ATP8B4: variants seen among roughly 807,000 people sequenced by gnomAD.
The protein encoded by ATP8B4 is probable phospholipid-transporting ATPase IM.
ATP8B4 carries 133 observed loss-of-function variants against 145.6 expected under a neutral mutation model. The observed-to-expected ratio is 0.91, with a 90% CI of 0.79 to 1.05. The LOEUF (loss-of-function observed/expected upper bound fraction) is 1.05, where lower values mean the gene tolerates loss of function less well. Among genes scored for constraint, ATP8B4 ranks in the 50% least tolerant of loss-of-function variants. ATP8B4 has a pLI of 0.00. For missense variants in ATP8B4, 1,458 were observed against 1,425.2 expected, an observed-to-expected ratio of 1.02 and a Z score of -0.37; for synonymous variants, 507 against 492.9, an observed-to-expected ratio of 1.03 and a Z score of -0.38.
chr15:50,102,904 C>T (rs780831181), intron 2 of ATP8B4, among the ~76,000 whole-genome samples: 7 of 151,854 alleles, frequency 4.6e-5, no homozygotes, highest in African/African-American at 1.5e-4. Context: ...CATAATCAAG[C>T]GAGTTTCGTA....
At chr15:50,158,666 G>T (rs11857407) in intron 1 of ATP8B4, among the ~76,000 whole-genome samples, 3 of 152,136 alleles carry the variant, frequency 2.0e-5, no homozygotes, top group South Asian at 4.1e-4. Context: ...ATAGAAAAGG[G>T]GGAAAGGTGG....
intron 14 of ATP8B4, among the ~76,000 whole-genome samples, chr15:49,936,807 C>T (rs980649446): frequency 9.2e-5 from 14 of 151,880 alleles, no homozygotes; most frequent in Non-Finnish European, 2.1e-4. Context: ...CCAGTTGACC[C>T]TTTATTTTGT....
At chr15:49,978,977 G>C (rs1208489498) in intron 12 of ATP8B4, among the ~76,000 whole-genome samples, 1 of 152,006 alleles carries the variant, frequency 6.6e-6, no homozygotes, top group African/African-American at 2.4e-5. Context: ...CAATGGACTA[G>C]CACCACCTAC....
At chr15:50,075,647 T>C (rs1180660254) in intron 2 of ATP8B4, among the ~76,000 whole-genome samples, 3 of 152,190 alleles carry the variant, frequency 2.0e-5, no homozygotes, top group Non-Finnish European at 4.4e-5. Flanking sequence ...GATACCTAAA[T>C]GGGTTTGCTC....
chr15:49,995,507 AT>A (rs988838588), intron 9 of ATP8B4, among the ~76,000 whole-genome samples: 4 of 151,822 alleles, frequency 2.6e-5, no homozygotes, highest in South Asian at 2.1e-4. Context: ...ATTCGGAGGA[AT>A]TTTTTTTTCT....
chr15:50,019,049 A>C (rs2049323598), intron 6 of ATP8B4: 1 of 779,518 alleles, frequency 1.3e-6, no homozygotes, highest in Non-Finnish European at 1.9e-6. Context: ...GGTCATTTAA[A>C]CAAAAACCAG....
intron 24 of ATP8B4, chr15:49,876,775 A>G: frequency 1.6e-6 from 1 of 635,484 alleles, no homozygotes; most frequent in Non-Finnish European, 2.9e-6. Context: ...GCTCGTAAGT[A>G]GCAGAACCAG....
chr15:50,010,793 T>G (rs746186114), intron 7 of ATP8B4, 52 bp downstream of exon 7: 43 of 1,218,834 alleles, frequency 3.5e-5, no homozygotes, highest in Non-Finnish European at 4.7e-5. Context: ...TACTTCCATA[T>G]ATATGCTACT....
intron 16 of ATP8B4, 47 bp from the exon 17 acceptor site, chr15:49,923,541 C>T (rs766218965): frequency 3.8e-6 from 5 of 1,320,468 alleles, no homozygotes; most frequent in Non-Finnish European, 5.3e-6. Context: ...CAACGTCATA[C>T]ATCAAAATTA....
At chr15:50,118,358 A>G (rs1417063953) in intron 1 of ATP8B4, among the ~76,000 whole-genome samples, 1 of 152,304 alleles carries the variant, frequency 6.6e-6, no homozygotes, top group African/African-American at 2.4e-5. Context: ...TAAAAAATAC[A>G]TTTAAAAAAA....
chr15:50,165,109 G>A (rs901848474), intron 1 of ATP8B4, among the ~76,000 whole-genome samples: 4 of 151,952 alleles, frequency 2.6e-5, no homozygotes, highest in African/African-American at 9.7e-5. Flanking sequence ...AAGTCCAGCG[G>A]AACGATCTTG....
intron 2 of ATP8B4, among the ~76,000 whole-genome samples, chr15:50,094,942 T>C (rs1420749535): frequency 6.6e-6 from 1 of 152,004 alleles, no homozygotes; most frequent in African/African-American, 2.4e-5. Flanking sequence ...CAGAATCTGG[T>C]ACCACTCCAT....
intron 13 of ATP8B4, among the ~76,000 whole-genome samples, chr15:49,962,707 A>G (rs1025747405): frequency 1.3e-5 from 2 of 152,128 alleles, no homozygotes; most frequent in African/African-American, 4.8e-5. Flanking sequence ...TATATTCACC[A>G]TATTGTTCAT....
At chr15:50,146,977 G>A (rs1016019425) in intron 1 of ATP8B4, among the ~76,000 whole-genome samples, 2 of 152,178 alleles carry the variant, frequency 1.3e-5, no homozygotes, top group African/African-American at 2.4e-5. Flanking sequence ...CTTCCCACTT[G>A]GCTGTCTCAC....
At chr15:50,041,939 C>G (rs2051319353) in intron 5 of ATP8B4, among the ~76,000 whole-genome samples, 1 of 150,712 alleles carries the variant, frequency 6.6e-6, no homozygotes, top group East Asian at 1.9e-4. Context: ...AACTCCGTCT[C>G]AAAACAAACA....
chr15:50,072,972 CTCTCTCTCTATATA>C (rs2053894414), intron 3 of ATP8B4, among the ~76,000 whole-genome samples: 8 of 30,196 alleles, frequency 2.6e-4, no homozygotes, highest in African/African-American at 4.1e-4. Context: ...CTCTCTCTCT[CTCTCTCTCTATATA>C]TATATATATA....
At chr15:50,036,042 A>G (rs1469785985) in intron 6 of ATP8B4, among the ~76,000 whole-genome samples, 2 of 152,342 alleles carry the variant, frequency 1.3e-5, no homozygotes, top group South Asian at 2.1e-4. Flanking sequence ...TGCCAAGGAT[A>G]GGGCCAAAAC....
chr15:50,166,363 C>T (rs2140855578), intron 1 of ATP8B4, among the ~76,000 whole-genome samples: 1 of 152,266 alleles, frequency 6.6e-6, no homozygotes, highest in African/African-American at 2.4e-5. Context: ...CACAAGTAAG[C>T]ACTAAATTAC....
At chr15:50,057,421 C>T (rs1221276189) in intron 3 of ATP8B4, among the ~76,000 whole-genome samples, 4 of 152,158 alleles carry the variant, frequency 2.6e-5, no homozygotes, top group Non-Finnish European at 4.4e-5. Flanking sequence ...TCGTGAGCAA[C>T]GAGTCAGAAA....
Sources: allele counts gnomAD v4.1 joint callset (sites outside exome capture counted in the v4.1 genomes callset), GRCh38; gene constraint gnomAD v4.1.1; transcripts MANE v1.5; gene names NCBI Gene and HGNC (gene_info 2026-07-23, HGNC 2026-07-21).